Variants in ANTXR1 observed in about 807,000 individuals in gnomAD.
The protein encoded by ANTXR1 is ANTXR cell adhesion molecule 1.
In ANTXR1, 19 loss-of-function variants were observed where a neutral mutation model predicts 78.1. That is an observed-to-expected ratio of 0.24 (90% confidence interval 0.17 to 0.36). The LOEUF (loss-of-function observed/expected upper bound fraction) is 0.36. Ranked by LOEUF, ANTXR1 falls within the 10% of genes least tolerant of loss-of-function variation. The pLI, the probability that ANTXR1 is intolerant of heterozygous loss-of-function variation, is 1.00. For synonymous variants in ANTXR1, 273 were observed against 260.5 expected, an observed-to-expected ratio of 1.05 and a Z score of -0.46; for missense variants, 518 against 718.6, an observed-to-expected ratio of 0.72 and a Z score of 3.19.
chr2:69,186,723 A>T (rs2104468352), intron 16 of ANTXR1, among the ~76,000 whole-genome samples: 1 of 152,372 alleles, frequency 6.6e-6, no homozygotes, highest in South Asian at 2.1e-4. Flanking sequence ...ACCTGTTTTT[A>T]TATGATCTGC....
intron 17 of ANTXR1, among the ~76,000 whole-genome samples, chr2:69,200,223 C>G (rs1674741458): frequency 6.6e-6 from 1 of 152,208 alleles, no homozygotes; most frequent in Non-Finnish European, 1.5e-5. Context: ...AAAGCTCACT[C>G]AGGGCTTGTT....
intron 17 of ANTXR1, among the ~76,000 whole-genome samples, chr2:69,225,205 T>C (rs1675413594): frequency 6.6e-6 from 1 of 152,224 alleles, no homozygotes; most frequent in African/African-American, 2.4e-5. Flanking sequence ...ATCTTTATGC[T>C]GGCTAACCCA....
intron 13 of ANTXR1, among the ~76,000 whole-genome samples, chr2:69,168,303 T>C (rs1390867283): frequency 6.6e-6 from 1 of 152,226 alleles, no homozygotes; most frequent in Non-Finnish European, 1.5e-5. Flanking sequence ...TTAACACACA[T>C]GATCGCTCAT....
At chr2:69,039,972 G>A (rs1324703841) in intron 1 of ANTXR1, 72 bp from the exon 2 acceptor site, 17 of 1,258,706 alleles carry the variant, frequency 1.4e-5, no homozygotes, top group Middle Eastern at 1.8e-4. Context: ...ATAACAGAAT[G>A]TGAAGATAAA....
At chr2:69,159,339 C>G (rs149775089) in intron 13 of ANTXR1, among the ~76,000 whole-genome samples, 1 of 151,856 alleles carries the variant, frequency 6.6e-6, no homozygotes, top group East Asian at 1.9e-4. Flanking sequence ...TTGGAAGAGC[C>G]GAGGCAGGAG....
At chr2:69,225,192 T>C (rs1675413308) in intron 17 of ANTXR1, among the ~76,000 whole-genome samples, 1 of 152,208 alleles carries the variant, frequency 6.6e-6, no homozygotes, top group Non-Finnish European at 1.5e-5. Context: ...CTCAAAAGAA[T>C]AGATCTTTAT....
intron 17 of ANTXR1, among the ~76,000 whole-genome samples, chr2:69,218,933 G>A (rs944260266): frequency 6.6e-6 from 1 of 152,156 alleles, no homozygotes; most frequent in Admixed American, 6.5e-5. Context: ...GAAAGGCCCA[G>A]GTCCAATTAA....
rs1345661227 is a variant in ANTXR1, at chr2:69,042,375, A to G, written c.224+2260A>G. On this transcript the variant is annotated intron_variant, in intron 2 of 17. Transcript: ENST00000303714. ...CGAGTTCAAGTTCCAATCTACTCCTAAAAGATGCATATGTGTCCTTCCCAC... is the reference window on the plus strand; with the variant it reads ...CGAGTTCAAGTTCCAATCTACTCCTGAAAGATGCATATGTGTCCTTCCCAC... Among the ~76,000 whole-genome samples the G allele has an allele frequency of 4.1e-4, 62 of 152,156 alleles. 3 individuals are homozygous for G. Among genetic ancestry groups the G allele is most frequent in the Admixed American group, 4.1e-3 (62 of 15,270 alleles).
chr2:69,166,714 G>A (rs778052629), intron 13 of ANTXR1, among the ~76,000 whole-genome samples: 1 of 152,128 alleles, frequency 6.6e-6, no homozygotes, highest in African/African-American at 2.4e-5. Context: ...CCCTCCTAAT[G>A]AGGAAGGCGC....
chr2:69,159,767 GC>G (rs1673628066), intron 13 of ANTXR1, among the ~76,000 whole-genome samples: 1 of 152,052 alleles, frequency 6.6e-6, no homozygotes, highest in African/African-American at 2.4e-5. Context: ...CTTATGAACA[GC>G]TTTTAAAGAA....
At chr2:69,090,733 AC>A (rs1671205053) in intron 8 of ANTXR1, 125 bp from the exon 9 acceptor site, 3 of 841,236 alleles carry the variant, frequency 3.6e-6, no homozygotes, top group Middle Eastern at 2.2e-4. Flanking sequence ...GACTCCTCGC[AC>A]CCCCACCGCA....
chr2:69,184,385 A>C (rs6732795), intron 16 of ANTXR1, among the ~76,000 whole-genome samples: 77,729 of 152,048 alleles, frequency 0.51, 21,862 homozygotes, highest in East Asian at 0.84. Flanking sequence ...GCTTGCTTGA[A>C]TAACAGCTGT....
At chr2:69,202,741 G>A (rs1340370353) in intron 17 of ANTXR1, among the ~76,000 whole-genome samples, 1 of 152,160 alleles carries the variant, frequency 6.6e-6, no homozygotes, top group Non-Finnish European at 1.5e-5. Flanking sequence ...TGATGTGGCT[G>A]GAGGAGTGGA....
At chr2:69,075,551 C>T (rs758018780) in intron 6 of ANTXR1, 39 bp from the exon 7 acceptor site, 1 of 1,602,816 alleles carries the variant, frequency 6.2e-7, no homozygotes. Context: ...TCATTTGTCA[C>T]TGCTTCTCTT....
intron 1 of ANTXR1, among the ~76,000 whole-genome samples, chr2:69,017,560 C>T (rs889815038): frequency 1.3e-5 from 2 of 152,146 alleles, no homozygotes; most frequent in Non-Finnish European, 2.9e-5. Flanking sequence ...GTCATGTTTT[C>T]TCAACCAGGA....
At position 69,122,325 on chromosome 2, in the gene ANTXR1, C is replaced by A. The variant is rs1445992878; in HGVS notation, c.803-692C>A. 2.0e-5 allele frequency among the ~76,000 whole-genome samples: 3 copies of A among 152,190 alleles called. No individual in the cohort carries two copies. In the East Asian group the frequency reaches 5.8e-4, roughly 29 times the overall value. The stretch of plus-strand genomic sequence containing the variant: ...AGGAAGCTTCCTGTCTTATGAAGCC[C>A]AATGATACTTTGGTGAAGTCATTTG... On this transcript the variant is annotated intron_variant, in intron 10 of 17. Transcript: ENST00000303714.
At chr2:69,069,378 C>T (rs6723425) in intron 3 of ANTXR1, among the ~76,000 whole-genome samples, 47,340 of 151,928 alleles carry the variant, frequency 0.31, 12,114 homozygotes, top group African/African-American at 0.7. Flanking sequence ...TGTGAAATGG[C>T]GGTAACAATA....
intron 17 of ANTXR1, among the ~76,000 whole-genome samples, chr2:69,196,685 G>T (rs1200578375): frequency 6.6e-6 from 1 of 152,160 alleles, no homozygotes; most frequent in Non-Finnish European, 1.5e-5. Context: ...AACTCAAAAT[G>T]ACTCCATCCA....
rs75580794 is a variant in ANTXR1, at chr2:69,124,409, A to G, written c.873-156A>G. Among the ~76,000 whole-genome samples the G allele has an allele frequency of 0.07, 10,682 of 152,244 alleles. 396 individuals are homozygous for G. Among genetic ancestry groups the G allele is most frequent in the Middle Eastern group, 0.085 (25 of 294 alleles). On this transcript the variant is annotated intron_variant, in intron 11 of 17. Coordinates refer to ENST00000303714, the MANE Select transcript of ANTXR1 (RefSeq NM_032208.3). Reference sequence around the variant, plus strand: ...ATACAGACTACCCCCGACATTTTACAAAAGAGGAAACTCAGACCCCTCCTC... The same window carrying G: ...ATACAGACTACCCCCGACATTTTACGAAAGAGGAAACTCAGACCCCTCCTC...
Sources: allele counts gnomAD v4.1 joint callset (sites outside exome capture counted in the v4.1 genomes callset), GRCh38; gene constraint gnomAD v4.1.1; transcripts MANE v1.5; gene names NCBI Gene and HGNC (gene_info 2026-07-23, HGNC 2026-07-21).